Variants in ACAD10 observed in about 807,000 individuals in gnomAD.
The protein encoded by ACAD10 is ACAD-10.
A neutral mutation model predicts 116.8 loss-of-function variants in ACAD10; 112 were observed. The ratio of observed to expected loss-of-function variants is 0.96; its 90% CI spans 0.82 to 1.12. The LOEUF is 1.12. Ranked by LOEUF, ACAD10 falls within the 50% of genes most tolerant of loss-of-function variation. ACAD10 has a pLI of 0.00. For synonymous variants in ACAD10, 486 were observed against 510.6 expected, an observed-to-expected ratio of 0.95 and a Z score of 0.65; for missense variants, 1,259 against 1,350.2, an observed-to-expected ratio of 0.93 and a Z score of 1.06.
At chr12:111,743,634 C>T (rs982622263) in intron 12 of ACAD10, among the ~76,000 whole-genome samples, 11 of 151,946 alleles carry the variant, frequency 7.2e-5, no homozygotes, top group Admixed American at 5.3e-4. Flanking sequence ...TGCGCCTGGC[C>T]GAAGTATTCT....
Position 111,721,736 on chromosome 12 carries a change from C to G in ACAD10, c.1058C>G (p.Ser353Ter). Residue 353 changes from serine to a stop codon, truncating the protein, a stop_gained, in exon 8 of 21, where the codon TCA becomes TGA. Coordinates refer to ENST00000313698, the MANE Select transcript of ACAD10 (RefSeq NM_025247.6). LOFTEE classifies it high-confidence loss of function. ...VPNVLDLCED[S>*]SVIGTPFYVM... is the part of the protein sequence containing the mutation. ...AACGTTCTTGATCTCTGTGAAGATT[C>G]AAGGTAAAGTTCAGATGTTTTTGCT... 1 of 1,595,620 alleles carries G rather than the reference C, an allele frequency of 6.3e-7. No individual in the cohort carries two copies. Among genetic ancestry groups the G allele is most frequent in the Non-Finnish European group, 8.6e-7 (1 of 1,166,320 alleles).
At chr12:111,755,804 C>G in intron 20 of ACAD10, 59 bp downstream of exon 20, 1 of 1,539,468 alleles carries the variant, frequency 6.5e-7, no homozygotes, top group East Asian at 2.2e-5. Flanking sequence ...GCCAAACTCT[C>G]CTATCTTCAG....
At chr12:111,723,581 G>A (rs1593035849) in intron 8 of ACAD10, among the ~76,000 whole-genome samples, 2 of 141,966 alleles carry the variant, frequency 1.4e-5, no homozygotes, top group East Asian at 2.2e-4. Context: ...CGGGGTGGCT[G>A]GCCGGGTGGG....
intron 10 of ACAD10, among the ~76,000 whole-genome samples, chr12:111,732,446 T>C (rs1889416915): frequency 6.6e-6 from 1 of 152,172 alleles, no homozygotes; most frequent in Non-Finnish European, 1.5e-5. Context: ...AAGAGAAATA[T>C]AGAAATGTCT....
At chr12:111,749,618 A>C (rs1330123278) in intron 18 of ACAD10, 3 of 476,712 alleles carry the variant, frequency 6.3e-6, no homozygotes, top group African/African-American at 1.9e-5. Flanking sequence ...TGTAAAGGTC[A>C]TGCTGCTAGC....
At chr12:111,699,424 C>T (rs1441637521) in intron 2 of ACAD10, among the ~76,000 whole-genome samples, 4 of 151,888 alleles carry the variant, frequency 2.6e-5, no homozygotes, top group African/African-American at 4.8e-5. Context: ...AAGTGGTTAT[C>T]ATTGTGAAAA....
intron 4 of ACAD10, among the ~76,000 whole-genome samples, chr12:111,706,775 T>G (rs1346678200): frequency 8.1e-6 from 1 of 123,436 alleles, no homozygotes; most frequent in Non-Finnish European, 1.6e-5. Flanking sequence ...TATATATATA[T>G]ATATATATTT....
At chr12:111,707,011 C>G (rs1359318723) in intron 4 of ACAD10, among the ~76,000 whole-genome samples, 1 of 151,632 alleles carries the variant, frequency 6.6e-6, no homozygotes, top group Non-Finnish European at 1.5e-5. Context: ...CTCCTGACCT[C>G]AAGTGATCTG....
intron 2 of ACAD10, among the ~76,000 whole-genome samples, chr12:111,701,723 A>C (rs1444042812): frequency 1.3e-5 from 2 of 152,190 alleles, no homozygotes; most frequent in Non-Finnish European, 2.9e-5. Flanking sequence ...CGAACATTTC[A>C]GTGTACTCAC....
At chr12:111,709,475 G>T in intron 4 of ACAD10, 51 bp from the exon 5 acceptor site, 1 of 1,452,004 alleles carries the variant, frequency 6.9e-7, no homozygotes, top group South Asian at 1.5e-5. Context: ...GCATGCATGT[G>T]GGAGCTCCAC....
chr12:111,710,938 C>G (rs748173249), intron 5 of ACAD10, among the ~76,000 whole-genome samples: 45 of 152,112 alleles, frequency 3.0e-4, no homozygotes, highest in Admixed American at 8.5e-4. Flanking sequence ...CAGTGCTTCT[C>G]TCTGCAGGAT....
intron 4 of ACAD10, among the ~76,000 whole-genome samples, chr12:111,708,413 A>C (rs1489777072): frequency 6.6e-6 from 1 of 151,844 alleles, no homozygotes; most frequent in African/African-American, 2.4e-5. Flanking sequence ...CTGGTGTCTG[A>C]AACACCCTGC....
At chr12:111,697,578 C>G (rs1381288798) in intron 2 of ACAD10, among the ~76,000 whole-genome samples, 1 of 130,716 alleles carries the variant, frequency 7.7e-6, no homozygotes, top group Non-Finnish European at 1.5e-5. Context: ...CCAGGTTGGT[C>G]TCTCTCTTTT....
intron 20 of ACAD10, chr12:111,756,113 A>C (rs1008722221): frequency 5.7e-6 from 8 of 1,411,108 alleles, no homozygotes; most frequent in Non-Finnish European, 7.4e-6. Flanking sequence ...CACAGGGCAG[A>C]AGGCACCTGC....
chr12:111,723,533 T>C (rs1254260658), intron 8 of ACAD10, among the ~76,000 whole-genome samples: 3 of 117,132 alleles, frequency 2.6e-5, no homozygotes, highest in South Asian at 3.2e-4. Flanking sequence ...CACTTCCCAG[T>C]AGGGGCGGCC....
intron 9 of ACAD10, among the ~76,000 whole-genome samples, chr12:111,729,204 A>G (rs1190787715): frequency 1.3e-5 from 2 of 152,150 alleles, no homozygotes; most frequent in African/African-American, 4.8e-5. Flanking sequence ...TTGTTTAGCC[A>G]AAAAGTGATT....
intron 16 of ACAD10, chr12:111,747,587 G>C (rs2135990591): frequency 7.2e-7 from 1 of 1,397,256 alleles, no homozygotes; most frequent in East Asian, 2.7e-5. Flanking sequence ...GCACTTCACA[G>C]GGCAGGGACG....
At chr12:111,717,317 C>T (rs11066010) in intron 7 of ACAD10, among the ~76,000 whole-genome samples, 2,508 of 147,408 alleles carry the variant, frequency 0.017, 78 homozygotes, top group African/African-American at 0.058. Flanking sequence ...GAGATCGTAC[C>T]GCTGCACTCA....
chr12:111,753,643 C>G, intron 18 of ACAD10, 129 bp from the exon 19 acceptor site: 2 of 1,250,312 alleles, frequency 1.6e-6, no homozygotes, highest in Non-Finnish European at 2.3e-6. Context: ...GATGCACAGT[C>G]CTGGTTTCAC....
Sources: allele counts gnomAD v4.1 joint callset (sites outside exome capture counted in the v4.1 genomes callset), GRCh38; gene constraint gnomAD v4.1.1; transcripts MANE v1.5; gene names NCBI Gene and HGNC (gene_info 2026-07-23, HGNC 2026-07-21).